Variants in EML5 observed in about 807,000 individuals in gnomAD.
The protein encoded by EML5 is EMAP like 5, also known as echinoderm microtubule-associated protein-like 5.
A neutral mutation model predicts 250.0 loss-of-function variants in EML5; 120 were observed. The ratio of observed to expected loss-of-function variants is 0.48; its 90% CI spans 0.41 to 0.56. The LOEUF (loss-of-function observed/expected upper bound fraction) is 0.56. Among genes scored for constraint, EML5 ranks in the 20% least tolerant of loss-of-function variants. The probability of loss-of-function intolerance (pLI) is 0.00; values close to 1 mark genes in which losing one functional copy is unlikely to be tolerated. For missense variants in EML5, 2,006 were observed against 2,437.6 expected, an observed-to-expected ratio of 0.82 and a Z score of 3.73; for synonymous variants, 771 against 806.5, an observed-to-expected ratio of 0.96 and a Z score of 0.75.
chr14:88,677,415 G>T lies in EML5; in HGVS notation c.3124+4475C>A, dbSNP rs114769440. ...CAGGCAAAGATTCAATTATGAAAAT[G>T]TCAAAAGCAATTGCAAAAAGGCAAA... On this transcript the variant is annotated intron_variant, in intron 21 of 43. Coordinates refer to ENST00000554922, the MANE Select transcript of EML5 (RefSeq NM_183387.3). 2.2e-3 allele frequency among the ~76,000 whole-genome samples: 330 copies of T among 152,300 alleles called. 3 individuals carry two copies. Among genetic ancestry groups the T allele is most frequent in the African/African-American group, 7.8e-3 (324 of 41,564 alleles).
Position 88,638,879 on chromosome 14 carries a change from A to C in EML5, c.4266T>G (p.Asn1422Lys). Residue 1422 changes from asparagine (N) to lysine (K), a missense_variant, in exon 32 of 44, where the codon AAT (asparagine) becomes AAG (lysine). By Grantham distance (94) the Asn-to-Lys change is moderately conservative (BLOSUM62 0). Around this residue, in one of 7 missense-constraint regions of EML5, gnomAD observed 1,375 missense variants for 1,590.3 expected, o/e 0.86. Transcript: ENST00000554922. ...TTACTGTGAGGCACAGAATATCATC[A>C]TTATGTTCCTGATAAAAACTCTGAG... ...TGSQSFYQEH[N>K]DDILCLTVNQ... The C allele has an allele frequency of 1.3e-6, 2 of 1,591,150 alleles. No individual in the cohort carries two copies. Among genetic ancestry groups the C allele is most frequent in the Non-Finnish European group, 1.7e-6 (2 of 1,168,846 alleles).
At chr14:88,631,822 G>A (rs1457466552) in intron 33 of EML5, among the ~76,000 whole-genome samples, 1 of 152,120 alleles carries the variant, frequency 6.6e-6, no homozygotes, top group Non-Finnish European at 1.5e-5. Flanking sequence ...GATTACAGGT[G>A]TGAGCTACTG....
intron 1 of EML5, among the ~76,000 whole-genome samples, chr14:88,779,698 C>T (rs998791727): frequency 6.6e-6 from 1 of 152,204 alleles, no homozygotes; most frequent in Non-Finnish European, 1.5e-5. Context: ...AAACCAGGAT[C>T]AGCTGTTTCT....
At position 88,716,674 on chromosome 14, in the gene EML5, TAAG is replaced by T. The variant is rs1385851436; in HGVS notation, c.1188-1482_1188-1480del. Among the ~76,000 whole-genome samples, 8 of 151,966 alleles carry T rather than the reference TAAG, an allele frequency of 5.3e-5. No individual in the cohort carries two copies. In the East Asian group the frequency reaches 9.7e-4, roughly 18 times the overall value. On this transcript the variant is annotated intron_variant, in intron 8 of 43. Transcript: ENST00000554922. Reference sequence around the variant, plus strand: ...GTTTAGAGACTTAATTGCTTCCAATTAAGAAGAGAAGAACGTCTTATGTCCAAG... The same window carrying T: ...GTTTAGAGACTTAATTGCTTCCAATTAAGAGAAGAACGTCTTATGTCCAAG...
chr14:88,776,249 C>A (rs2140688438), intron 1 of EML5, among the ~76,000 whole-genome samples: 1 of 152,146 alleles, frequency 6.6e-6, no homozygotes, highest in South Asian at 2.1e-4. Context: ...GAAAACATGA[C>A]CTAACCAAAG....
chr14:88,747,284 C>G (rs1191709606), intron 2 of EML5, among the ~76,000 whole-genome samples: 1 of 151,976 alleles, frequency 6.6e-6, no homozygotes, highest in Admixed American at 6.6e-5. Flanking sequence ...TGGTGACTCA[C>G]GCCTGTAATT....
chr14:88,661,122 G>A (rs1314438689), intron 25 of EML5, among the ~76,000 whole-genome samples: 6 of 152,050 alleles, frequency 3.9e-5, no homozygotes, highest in Admixed American at 6.6e-5. Flanking sequence ...AGGGTTTTGC[G>A]CTGTCACCCA....
At position 88,738,859 on chromosome 14, in the gene EML5, G is replaced by T; in HGVS notation, c.847+20C>A. ...AAGTTTAGAGTTTGCCTAGTAATAA[G>T]ACATTTGTTTTGTTATTACCTTTGT... On this transcript the variant is annotated intron_variant, in intron 6 of 43. Transcript: ENST00000554922. The T allele has an allele frequency of 1.9e-6, 3 of 1,549,794 alleles. No homozygotes were observed. The highest frequency in any genetic ancestry group is 2.6e-6 in the Non-Finnish European group (3 of 1,147,322).
In EML5 at chr14:88,663,115, C is replaced by T. The variant is rs751523674; in HGVS notation, c.3414G>A (p.Lys1138=). 34 of 1,534,778 alleles carry T rather than the reference C, an allele frequency of 2.2e-5. No homozygotes were observed. In the South Asian group the frequency reaches 3.9e-4, roughly 17 times the overall value. Residue 1138 remains lysine (K), a synonymous_variant, in exon 24 of 44, where the codon AAG becomes AAA. Coordinates refer to ENST00000554922, the MANE Select transcript of EML5 (RefSeq NM_183387.3). ...ITHIDWDIRG[K]LLQVNTGAKE... is the part of the protein sequence containing the mutation. Reference sequence around the variant, plus strand: ...TAGCACCAGTGTTGACCTGTAAAAGCTTTCCTTCAAAAAAATTTTTAAAAA... The same window carrying T: ...TAGCACCAGTGTTGACCTGTAAAAGTTTTCCTTCAAAAAAATTTTTAAAAA...
intron 24 of EML5, among the ~76,000 whole-genome samples, chr14:88,662,051 T>C (rs1023835259): frequency 1.1e-4 from 16 of 152,156 alleles, no homozygotes; most frequent in Admixed American, 1.3e-4. Flanking sequence ...AATATAATTA[T>C]ATATCCACTG....
chr14:88,687,327 C>T lies in EML5; in HGVS notation c.2743G>A (p.Gly915Arg), dbSNP rs1251282116. The stretch of plus-strand genomic sequence containing the variant: ...CCATCTTTTCCTCCAGTTACAAACC[C>T]CTATGGAAAAAAAAAGGTTCAAGTT... Reference protein sequence around the residue: ...PVFSMHALEKGFVTGGKDGIV... With the variant: ...PVFSMHALEKRFVTGGKDGIV... Residue 915 changes from glycine (G) to arginine (R), a missense_variant and splice_region_variant, in exon 19 of 44, where the codon GGG (glycine) becomes AGG (arginine). By Grantham distance (125) the Gly-to-Arg change is moderately radical. This residue lies in a region of EML5 where 1,375 missense variants were observed against 1,590.3 expected (regional missense o/e 0.86). Transcript: ENST00000554922. 1 of 1,575,362 alleles carries T rather than the reference C, an allele frequency of 6.3e-7. No homozygotes were observed. The highest frequency in any genetic ancestry group is 1.4e-5 in the African/African-American group (1 of 72,430).
At chr14:88,757,929 C>A (rs1283622964) in intron 1 of EML5, among the ~76,000 whole-genome samples, 1 of 151,954 alleles carries the variant, frequency 6.6e-6, no homozygotes, top group Non-Finnish European at 1.5e-5. Flanking sequence ...CCACTCACTG[C>A]AGCCTCGACC....
rs2087170645 is a variant in EML5 at position 88,613,674 on chromosome 14, T to C, written c.*2144A>G. ...AGGGACCACAAAAAAAGGAAGGAAA[T>C]GAGCATGGTTGGCGATTGGAAGCAA... is the stretch of plus-strand genomic sequence containing the variant. On this transcript the variant is annotated 3_prime_UTR_variant, in exon 44 of 44. Transcript: ENST00000554922. The C allele has an allele frequency of 6.6e-6, 1 of 151,770 alleles. No homozygotes were observed. Among genetic ancestry groups the C allele is most frequent in the African/African-American group, 2.4e-5 (1 of 41,296 alleles). 9.4% of individuals were successfully genotyped at this position (151,770 alleles called of 1,614,324 possible).
At chr14:88,747,367 G>A (rs944669665) in intron 2 of EML5, among the ~76,000 whole-genome samples, 4 of 152,006 alleles carry the variant, frequency 2.6e-5, no homozygotes, top group Non-Finnish European at 4.4e-5. Context: ...AGCTGAGGTC[G>A]TTCCACTGCA....
chr14:88,628,102 A>G (rs2090154227), intron 33 of EML5: 2 of 444,318 alleles, frequency 4.5e-6, no homozygotes, highest in African/African-American at 4.0e-5. Flanking sequence ...GGCAATCTCA[A>G]CTTTAAACAA....
At chr14:88,784,458 A>G (rs1408862617) in intron 1 of EML5, among the ~76,000 whole-genome samples, 2 of 152,172 alleles carry the variant, frequency 1.3e-5, no homozygotes, top group Non-Finnish European at 2.9e-5. Flanking sequence ...AGGAGACATT[A>G]CAACTGATAC....
intron 39 of EML5, chr14:88,619,375 C>G (rs978921914): frequency 1.3e-5 from 2 of 152,280 alleles, no homozygotes; most frequent in African/African-American, 4.8e-5. Context: ...CAAAACAAAA[C>G]AAAACAAAAT....
chr14:88,754,105 A>T (rs752655014), intron 2 of EML5, among the ~76,000 whole-genome samples: 1 of 152,186 alleles, frequency 6.6e-6, no homozygotes, highest in African/African-American at 2.4e-5. Context: ...CAGCCTGGGC[A>T]GCAGAGCGTG....
chr14:88,754,376 C>A, intron 2 of EML5, 136 bp downstream of exon 2: 2 of 698,938 alleles, frequency 2.9e-6, no homozygotes, highest in Non-Finnish European at 4.3e-6. Flanking sequence ...ATCAACCTCC[C>A]ACCCCACCTA....
Sources: allele counts gnomAD v4.1 joint callset (sites outside exome capture counted in the v4.1 genomes callset), GRCh38; gene constraint gnomAD v4.1.1; regional missense constraint gnomAD v4.1.1; transcripts MANE v1.5; gene names NCBI Gene and HGNC (gene_info 2026-07-23, HGNC 2026-07-21).